GLRA1: variants seen among roughly 807,000 people sequenced by gnomAD.
The protein encoded by GLRA1 is glycine receptor alpha 1.
GLRA1 carries 37 observed loss-of-function variants against 48.3 expected under a neutral mutation model. That is an observed-to-expected ratio of 0.77 (90% CI 0.59 to 1.01). The LOEUF (loss-of-function observed/expected upper bound fraction) is 1.01, where lower values mean the gene tolerates loss of function less well. GLRA1 is among the 50% of genes least tolerant of loss of function. GLRA1 has a pLI of 0.00. For synonymous variants in GLRA1, 196 were observed against 210.7 expected, an observed-to-expected ratio of 0.93 and a Z score of 0.60; for missense variants, 427 against 571.0, an observed-to-expected ratio of 0.75 and a Z score of 2.57.
chr5:151,850,369 T>C, intron 7 of GLRA1: 1 of 1,365,092 alleles, frequency 7.3e-7, no homozygotes, highest in Admixed American at 1.7e-5. Flanking sequence ...TGTGAAGACT[T>C]TGGAGTGATA....
At chr5:151,908,337 T>C (rs1754526384) in intron 1 of GLRA1, among the ~76,000 whole-genome samples, 1 of 152,238 alleles carries the variant, frequency 6.6e-6, no homozygotes, top group African/African-American at 2.4e-5. Flanking sequence ...TTCCTTTCTC[T>C]ATCCTCTTGT....
chr5:151,850,841 A>C, intron 7 of GLRA1: 1 of 698,324 alleles, frequency 1.4e-6, no homozygotes, highest in Non-Finnish European at 2.7e-6. Context: ...TCTTCATCCC[A>C]CTCCAACTCT....
At chr5:151,855,325 A>G in intron 5 of GLRA1, 148 bp from the exon 6 acceptor site, 1 of 724,046 alleles carries the variant, frequency 1.4e-6, no homozygotes, top group South Asian at 1.7e-5. Context: ...CTCTCAAAAG[A>G]GGTAAAAAAC....
In GLRA1 at chr5:151,829,860, A is replaced by G. The variant is rs143862256; in HGVS notation, c.913-793T>C. Among the ~76,000 whole-genome samples the G allele has an allele frequency of 2.1e-3, 316 of 152,342 alleles. 2 individuals are homozygous for G. Among genetic ancestry groups the G allele is most frequent in the Non-Finnish European group, 9.3e-4 (63 of 68,034 alleles). ...TTATGATTGGCCTCTTTCACTTAGC[A>G]TATTTTCAAGGTTCATTCACATCGT... On this transcript the variant is annotated intron_variant, in intron 7 of 8. Coordinates refer to ENST00000274576, the MANE Select transcript of GLRA1 (RefSeq NM_000171.4).
At chr5:151,823,042 G>A in intron 8 of GLRA1, 79 bp from the exon 9 acceptor site, 1 of 1,301,930 alleles carries the variant, frequency 7.7e-7, no homozygotes, top group Admixed American at 2.5e-5. Context: ...CTCCCTTGGG[G>A]GCCAGGCCAT....
chr5:151,837,460 G>A (rs1007740739), intron 7 of GLRA1, among the ~76,000 whole-genome samples: 2 of 152,130 alleles, frequency 1.3e-5, no homozygotes, highest in African/African-American at 4.8e-5. Flanking sequence ...TCCCAATACT[G>A]GGTATATACC....
chr5:151,915,950 A>T (rs1482072327), intron 1 of GLRA1, among the ~76,000 whole-genome samples: 3 of 152,148 alleles, frequency 2.0e-5, no homozygotes, highest in Non-Finnish European at 2.9e-5. Context: ...CCAATGAAAA[A>T]TTTCCAGCTC....
chr5:151,886,692 A>G (rs1435121457), intron 3 of GLRA1, 29 bp downstream of exon 3: 2 of 1,472,498 alleles, frequency 1.4e-6, no homozygotes, highest in Middle Eastern at 1.7e-4. Context: ...TCCAGCAGGA[A>G]CTAACAGCTT....
At chr5:151,856,595 T>G (rs1753051767) in intron 4 of GLRA1, among the ~76,000 whole-genome samples, 1 of 152,212 alleles carries the variant, frequency 6.6e-6, no homozygotes, top group Admixed American at 6.5e-5. Flanking sequence ...AATGGCTCAC[T>G]GCAGTCTTGA....
intron 7 of GLRA1, among the ~76,000 whole-genome samples, chr5:151,848,725 T>G (rs1181410985): frequency 6.6e-6 from 1 of 152,244 alleles, no homozygotes; most frequent in African/African-American, 2.4e-5. Context: ...TCTGAATATG[T>G]TGCTGTAATA....
rs570300041 is a variant in GLRA1 at position 151,854,667 on chromosome 5, C to G, written c.697+373G>C. Among the ~76,000 whole-genome samples the G allele has an allele frequency of 2.5e-4, 38 of 152,340 alleles. No homozygotes were observed. The South Asian group carries it at 7.0e-3, about 28-fold the overall frequency. ...AGTGACACCTCTCAGCTCCCTCTTG[C>G]TGAGGTCTATTGTGAGCATTCTCTC... On this transcript the variant is annotated intron_variant, in intron 6 of 8. Transcript: ENST00000274576.
chr5:151,878,054 G>A (rs1415388375), intron 3 of GLRA1, among the ~76,000 whole-genome samples: 3 of 152,240 alleles, frequency 2.0e-5, no homozygotes, highest in African/African-American at 7.2e-5. Flanking sequence ...AAGAGGACAG[G>A]AAAATGTGGG....
At chr5:151,841,837 A>G (rs1763717775) in intron 7 of GLRA1, among the ~76,000 whole-genome samples, 2 of 152,228 alleles carry the variant, frequency 1.3e-5, no homozygotes, top group South Asian at 4.1e-4. Flanking sequence ...CGGGTGGATC[A>G]TCTGAGGTCA....
At chr5:151,848,961 TC>T in intron 7 of GLRA1, 1 of 717,368 alleles carries the variant, frequency 1.4e-6, no homozygotes, top group Non-Finnish European at 2.6e-6. Flanking sequence ...GGTGAGAAAG[TC>T]CAGGCCATGT....
At chr5:151,836,411 C>T (rs930629440) in intron 7 of GLRA1, among the ~76,000 whole-genome samples, 1 of 152,170 alleles carries the variant, frequency 6.6e-6, no homozygotes, top group Non-Finnish European at 1.5e-5. Flanking sequence ...ATTGCTATCA[C>T]CATCAAGCTA....
At chr5:151,851,634 T>C (rs1752915680) in intron 6 of GLRA1, 30 bp from the exon 7 acceptor site, 1 of 1,475,194 alleles carries the variant, frequency 6.8e-7, no homozygotes, top group African/African-American at 1.4e-5. Context: ...GAAGGCAGTG[T>C]AGCCTGGTGA....
rs115583269 is a variant in GLRA1 at position 151,894,992 on chromosome 5, A to G, written c.57-2554T>C. Among the ~76,000 whole-genome samples the G allele has an allele frequency of 3.8e-3, 579 of 152,216 alleles. 2 individuals carry two copies. Among genetic ancestry groups the G allele is most frequent in the African/African-American group, 0.013 (546 of 41,532 alleles). ...ACAGGGTGAGGAACAAATGCACTTT[A>G]GTTTCTTTGTGTGTGTCTATGATGT... On this transcript the variant is annotated intron_variant, in intron 1 of 8. Coordinates refer to ENST00000274576, the MANE Select transcript of GLRA1 (RefSeq NM_000171.4).
intron 1 of GLRA1, among the ~76,000 whole-genome samples, chr5:151,911,755 G>T: frequency 6.6e-6 from 1 of 151,806 alleles, no homozygotes; most frequent in Non-Finnish European, 1.5e-5. Flanking sequence ...ACAGGTGCCC[G>T]CCACCGCACC....
intron 3 of GLRA1, among the ~76,000 whole-genome samples, chr5:151,865,122 A>AACATTTAT: frequency 6.6e-6 from 1 of 152,194 alleles, no homozygotes; most frequent in Admixed American, 6.5e-5. Context: ...AGCAACATTT[A>AACATTTAT]ACTGAGCTCT....
Sources: allele counts gnomAD v4.1 joint callset (sites outside exome capture counted in the v4.1 genomes callset), GRCh38; gene constraint gnomAD v4.1.1; transcripts MANE v1.5; gene names NCBI Gene and HGNC (gene_info 2026-07-23, HGNC 2026-07-21).